MIGA2: variants seen among roughly 807,000 people sequenced by gnomAD.
MIGA2 encodes the protein mitoguardin 2, also known as family with sequence similarity 73, member B.
In MIGA2, 36 loss-of-function variants were observed where a neutral mutation model predicts 69.9. That is an observed-to-expected ratio of 0.52 (90% CI 0.39 to 0.68). The LOEUF is 0.68. MIGA2 is among the 30% of genes least tolerant of loss of function. The probability of loss-of-function intolerance (pLI) is 0.00; values close to 1 mark genes in which losing one functional copy is unlikely to be tolerated. For synonymous variants in MIGA2, 333 were observed against 349.2 expected, an observed-to-expected ratio of 0.95 and a Z score of 0.52; for missense variants, 660 against 787.7, an observed-to-expected ratio of 0.84 and a Z score of 1.94.
intron 6 of MIGA2, among the ~76,000 whole-genome samples, chr9:129,052,233 C>T (rs1048836655): frequency 5.3e-5 from 8 of 152,090 alleles, no homozygotes; most frequent in Non-Finnish European, 1.0e-4. Flanking sequence ...TCAAGCGATT[C>T]TGTCTCAGCC....
In MIGA2 at chr9:129,063,224, G is replaced by A. The variant is rs368903791; in HGVS notation, c.1011-20G>A. ...CTGGGCAGGGACCAGGTTGTGTGACGCCGTCTGTCCTCCCCTCAGGACGGA... is the reference window on the plus strand; with the variant it reads ...CTGGGCAGGGACCAGGTTGTGTGACACCGTCTGTCCTCCCCTCAGGACGGA... On this transcript the variant is annotated intron_variant, in intron 9 of 15. Coordinates refer to ENST00000684074, the MANE Select transcript of MIGA2 (RefSeq NM_001329990.2). 20 of 1,613,512 alleles carry A rather than the reference G, an allele frequency of 1.2e-5. No homozygotes were observed. Among genetic ancestry groups the A allele is most frequent in the African/African-American group, 4.0e-5 (3 of 74,922 alleles).
chr9:129,063,480 T>G (rs988681470), intron 10 of MIGA2, 65 bp from the exon 11 acceptor site: 2 of 1,587,818 alleles, frequency 1.3e-6, no homozygotes, highest in Admixed American at 1.7e-5. Context: ...TATGTGGCCC[T>G]CTCCGTGGGC....
At chr9:129,067,487 C>T in intron 11 of MIGA2, 1 of 421,020 alleles carries the variant, frequency 2.4e-6, no homozygotes, top group East Asian at 4.3e-5. Context: ...TGACTCTAAC[C>T]CTCACATTCT....
chr9:129,051,103 A>G (rs1845505615), intron 6 of MIGA2, among the ~76,000 whole-genome samples: 1 of 148,416 alleles, frequency 6.7e-6, no homozygotes, highest in Non-Finnish European at 1.5e-5. Context: ...CGAACTCCTG[A>G]CCTCAGGTGA....
intron 6 of MIGA2, among the ~76,000 whole-genome samples, chr9:129,056,202 A>T (rs929467560): frequency 4.6e-5 from 7 of 151,670 alleles, no homozygotes; most frequent in Non-Finnish European, 8.8e-5. Flanking sequence ...TTTGCCCATT[A>T]CTTTGTGCTA....
chr9:129,061,192 A>G lies in MIGA2; in HGVS notation c.895-39A>G. The G allele has an allele frequency of 1.3e-6, 2 of 1,567,546 alleles. No homozygotes were observed. The highest frequency in any genetic ancestry group is 1.1e-5 in the South Asian group (1 of 87,352). On this transcript the variant is annotated intron_variant, in intron 8 of 15. Transcript: ENST00000684074. The surrounding 1 kb of genome is among the most constrained non-coding windows in gnomAD (Gnocchi z 5.0). ...CCTTGCGCCGTGGCGTGCTGCTCAC[A>G]TGGGCTTCCCTGGTCTCTTCCTCTG...
chr9:129,048,063 T>A (rs1845323083), intron 3 of MIGA2, among the ~76,000 whole-genome samples: 1 of 152,170 alleles, frequency 6.6e-6, no homozygotes, highest in Non-Finnish European at 1.5e-5. Flanking sequence ...TCGTCTCACA[T>A]CTCTTTTGCA....
At position 129,040,781 on chromosome 9, in the gene MIGA2, G is replaced by A. The variant is rs1392895777; in HGVS notation, c.96+91G>A. 8.2e-6 allele frequency: 10 copies of A among 1,221,302 alleles called. No homozygotes were observed. The East Asian group carries it at 1.5e-4, about 19-fold the overall frequency. The allele number at this position is 1,221,302 out of a possible 1,614,324, so 75.7% of individuals were successfully genotyped here. A position where few individuals can be genotyped will look rare whatever the true frequency, so the allele number is the denominator to read the frequency against. The stretch of plus-strand genomic sequence containing the variant: ...CCGTGTCCAGGAACGCTGAGCCCTC[G>A]TTCTTGCTTTGCCAAACCTCTGGTG... On this transcript the variant is annotated intron_variant, in intron 2 of 15. Transcript: ENST00000684074.
chr9:129,068,997 G>A lies in MIGA2; in HGVS notation c.1405-79G>A. 6.4e-7 allele frequency: 1 copy of A among 1,550,880 alleles called. No individual in the cohort carries two copies. Among genetic ancestry groups the A allele is most frequent in the Non-Finnish European group, 8.9e-7 (1 of 1,123,544 alleles). ...TGGGGTGAGCTGGGTTTAAGGGCTT[G>A]GTGCTGGGCTGGCAGAGGGCGAGGG... On this transcript the variant is annotated intron_variant, in intron 13 of 15. Transcript: ENST00000684074. The surrounding 1 kb of genome is among the most constrained non-coding windows in gnomAD (Gnocchi z 4.1).
intron 6 of MIGA2, among the ~76,000 whole-genome samples, chr9:129,055,080 C>CT (rs112156716): frequency 0.055 from 6,697 of 122,822 alleles, 469 homozygotes; most frequent in African/African-American, 0.16. Context: ...TTTTTCTTTT[C>CT]TTTTTTTTTT....
chr9:129,050,840 A>T (rs1360845927), intron 6 of MIGA2, among the ~76,000 whole-genome samples: 1 of 150,446 alleles, frequency 6.6e-6, no homozygotes, highest in Non-Finnish European at 1.5e-5. Flanking sequence ...CAAAGTGGTG[A>T]GATTACAGGT....
intron 3 of MIGA2, 150 bp downstream of exon 3, chr9:129,042,664 C>T (rs1036535866): frequency 6.0e-5 from 47 of 781,896 alleles, no homozygotes; most frequent in African/African-American, 5.2e-5. Context: ...ATGACAGTAG[C>T]GTCCCTCCCT....
chr9:129,063,655 G>GGGGGGGGGGGGGGGGGGGGGGCC, intron 11 of MIGA2, 24 bp downstream of exon 11: 1 of 645,742 alleles, frequency 1.5e-6, no homozygotes, highest in Non-Finnish European at 2.9e-6. Flanking sequence ...GGGTGGGGGG[G>GGGGGGGGGGGGGGGGGGGGGGCC]CAAATTATAA....
At position 129,070,274 on chromosome 9, in the gene MIGA2, A is replaced by G. The variant is rs1303536502; in HGVS notation, c.1603A>G (p.Met535Val). 1.2e-6 allele frequency: 2 copies of G among 1,612,938 alleles called. No individual in the cohort carries two copies. Among genetic ancestry groups the G allele is most frequent in the Non-Finnish European group, 1.7e-6 (2 of 1,179,974 alleles). The change falls in exon 16 of 16, where the codon ATG becomes GTG. Residue 535 changes from methionine (M) to valine (V), a missense_variant. This residue lies in a region of MIGA2 where 220 missense variants were observed against 301.7 expected (regional missense o/e 0.73). Coordinates refer to ENST00000684074, the MANE Select transcript of MIGA2 (RefSeq NM_001329990.2). ...CCAGATTGTGCAGTACCTGAGGGAC[A>G]TGTTCGACCTGGACAATGTGCGCTA... ...KHQIVQYLRD[M>V]FDLDNVRYTS...
At position 129,070,622 on chromosome 9, in the gene MIGA2, C is replaced by T. The variant is rs1321958421; in HGVS notation, c.*169C>T. 1.4e-6 allele frequency: 1 copy of T among 723,134 alleles called. No homozygotes were observed. Among genetic ancestry groups the T allele is most frequent in the Non-Finnish European group, 2.2e-6 (1 of 454,514 alleles). The allele number at this position is 723,134 out of a possible 1,614,324, so 44.8% of individuals were successfully genotyped here. A position where few individuals can be genotyped will look rare whatever the true frequency, so the allele number is the denominator to read the frequency against. On this transcript the variant is annotated 3_prime_UTR_variant, in exon 16 of 16. Coordinates refer to ENST00000684074, the MANE Select transcript of MIGA2 (RefSeq NM_001329990.2). The stretch of plus-strand genomic sequence containing the variant: ...ACATTTCCATGGAGAAGAACGGTTC[C>T]TGGGGGAAGCAGAGGCCAGGACCAG...
Position 129,061,376 on chromosome 9 carries a change from G to T in MIGA2, c.1010+30G>T. 13 of 741,724 alleles carry T rather than the reference G, an allele frequency of 1.8e-5. No homozygotes were observed. The highest frequency in any genetic ancestry group is 1.2e-4 in the South Asian group (9 of 72,114). The allele number at this position is 741,724 out of a possible 1,614,324, so 45.9% of individuals were successfully genotyped here. A position where few individuals can be genotyped will look rare whatever the true frequency, so the allele number is the denominator to read the frequency against. ...GCAGGTGTGGAGGGAGGGAGGGAGG[G>T]AGCAGGAGGCGATGGGTGATTCTGG... On this transcript the variant is annotated intron_variant, in intron 9 of 15. Transcript: ENST00000684074. The surrounding 1 kb of genome is among the most constrained non-coding windows in gnomAD (Gnocchi z 5.0).
chr9:129,069,110 C>T lies in MIGA2; in HGVS notation c.1439C>T (p.Ala480Val). The part of the protein sequence containing the change: ...LATACWSVLK[A>V]KRRLLMVPDG... ...ACTGCTTGCTGGTCGGTCCTGAAAGCCAAGAGGAGGCTGCTGATGGTGAGT... is the reference window on the plus strand; with the variant it reads ...ACTGCTTGCTGGTCGGTCCTGAAAGTCAAGAGGAGGCTGCTGATGGTGAGT... Residue 480 changes from alanine (A) to valine (V), a missense_variant, in exon 14 of 16, where the codon GCC becomes GTC. Around this residue, in one of 3 missense-constraint regions of MIGA2, gnomAD observed 220 missense variants for 301.7 expected, o/e 0.73. Coordinates refer to ENST00000684074, the MANE Select transcript of MIGA2 (RefSeq NM_001329990.2). The surrounding 1 kb of genome is among the most constrained non-coding windows in gnomAD (Gnocchi z 4.9). 6.2e-7 allele frequency: 1 copy of T among 1,613,996 alleles called. No individual in the cohort carries two copies. Among genetic ancestry groups the T allele is most frequent in the African/African-American group, 1.3e-5 (1 of 75,032 alleles).
intron 2 of MIGA2, chr9:129,042,064 G>T: frequency 1.8e-6 from 1 of 547,714 alleles, no homozygotes. Context: ...GAGGGTGCTG[G>T]CCCCTAGACC....
rs750998216 is a variant in MIGA2, at chr9:129,068,131, C to G, written c.1270-67C>G. The G allele has an allele frequency of 5.0e-6, 8 of 1,609,826 alleles. No homozygotes were observed. Among genetic ancestry groups the G allele is most frequent in the Non-Finnish European group, 6.8e-6 (8 of 1,177,190 alleles). On this transcript the variant is annotated intron_variant, in intron 12 of 15. Coordinates refer to ENST00000684074, the MANE Select transcript of MIGA2 (RefSeq NM_001329990.2). This position sits in a 1 kb window ranked among gnomAD's most constrained non-coding sequence, Gnocchi z 4.1. ...TGGACCCCAGCTTCAGTCTCCCCATCTGGAAAGTGGCCCCGAGGCTCCGGC... is the reference window on the plus strand; with the variant it reads ...TGGACCCCAGCTTCAGTCTCCCCATGTGGAAAGTGGCCCCGAGGCTCCGGC...
Sources: allele counts gnomAD v4.1 joint callset (sites outside exome capture counted in the v4.1 genomes callset), GRCh38; gene constraint gnomAD v4.1.1; regional missense constraint gnomAD v4.1.1; non-coding constraint Gnocchi (gnomAD v3.1); transcripts MANE v1.5; gene names NCBI Gene and HGNC (gene_info 2026-07-23, HGNC 2026-07-21).